DNAH14: variants seen among roughly 807,000 people sequenced by gnomAD.
The protein encoded by DNAH14 is axonemal beta dynein heavy chain 14.
Under a neutral mutation model 520.9 loss-of-function variants are expected in DNAH14, and 478 were observed. That is an observed-to-expected ratio of 0.92 (90% CI 0.85 to 0.99). The LOEUF (loss-of-function observed/expected upper bound fraction) is 0.99. DNAH14 is among the 50% of genes least tolerant of loss of function. The pLI, the probability that DNAH14 is intolerant of heterozygous loss-of-function variation, is 0.00. For synonymous variants in DNAH14, 1,581 were observed against 1,757.2 expected (o/e 0.90, Z 2.51); for missense variants, 4,831 against 5,234.5 (o/e 0.92, Z 2.38).
chr1:224,945,812 G>A (rs2059777742), intron 1 of DNAH14, among the ~76,000 whole-genome samples: 1 of 152,294 alleles, frequency 6.6e-6, no homozygotes, highest in Non-Finnish European at 1.5e-5. Context: ...GCGGATATTG[G>A]TGAACAGCAA....
intron 41 of DNAH14, among the ~76,000 whole-genome samples, chr1:225,209,750 C>T (rs1178408330): frequency 4.6e-5 from 7 of 152,188 alleles, no homozygotes; most frequent in South Asian, 2.1e-4. Flanking sequence ...CAGGTCCCAG[C>T]GAGATCAACG....
intron 65 of DNAH14, among the ~76,000 whole-genome samples, chr1:225,332,830 CAAAAAA>C (rs36110645): frequency 1.1e-5 from 1 of 90,856 alleles, no homozygotes; most frequent in Admixed American, 1.1e-4. Flanking sequence ...CCTGTCTCTA[CAAAAAA>C]AAAAAAAAAA....
chr1:224,931,922 G>A (rs1239423593), intron 1 of DNAH14, among the ~76,000 whole-genome samples: 1 of 152,190 alleles, frequency 6.6e-6, no homozygotes, highest in Non-Finnish European at 1.5e-5. Flanking sequence ...ATGTGTGAGT[G>A]CAGGTATTCC....
intron 55 of DNAH14, among the ~76,000 whole-genome samples, chr1:225,297,773 T>A (rs2094042516): frequency 6.6e-6 from 1 of 152,180 alleles, no homozygotes; most frequent in African/African-American, 2.4e-5. Flanking sequence ...ATCAGCCAAT[T>A]TGGGATCTGG....
intron 29 of DNAH14, 28 bp downstream of exon 29, chr1:225,144,656 A>C: frequency 2.0e-6 from 3 of 1,511,878 alleles, no homozygotes; most frequent in Non-Finnish European, 1.8e-6. Flanking sequence ...CCAGAATAAA[A>C]ACTTTTTTCT....
chr1:225,336,713 C>T (rs1475988783), intron 66 of DNAH14, among the ~76,000 whole-genome samples: 1 of 152,154 alleles, frequency 6.6e-6, no homozygotes, highest in African/African-American at 2.4e-5. Flanking sequence ...TAACAGGCCA[C>T]AAATCAAGTT....
chr1:225,396,977 A>G (rs1391519914), intron 84 of DNAH14: 1 of 151,656 alleles, frequency 6.6e-6, no homozygotes, highest in Non-Finnish European at 1.5e-5. Context: ...AAGAGAAGTA[A>G]AAAGCATTAT....
At chr1:225,389,587 T>TCC (rs1553382647) in intron 82 of DNAH14, 147 bp from the exon 83 acceptor site, 3 of 853,578 alleles carry the variant, frequency 3.5e-6, no homozygotes, top group Non-Finnish European at 5.2e-6. Flanking sequence ...ATAGCTGGCT[T>TCC]CCATTCAAGG....
intron 15 of DNAH14, among the ~76,000 whole-genome samples, chr1:225,046,967 A>G (rs1339103156): frequency 6.6e-6 from 1 of 151,862 alleles, no homozygotes; most frequent in African/African-American, 2.4e-5. Flanking sequence ...CTCATCTTGT[A>G]TTTTCTCTGC....
intron 81 of DNAH14, among the ~76,000 whole-genome samples, chr1:225,382,917 C>T (rs185881108): frequency 1.3e-5 from 2 of 152,274 alleles, no homozygotes; most frequent in Admixed American, 6.5e-5. Context: ...ACCTTGAAAA[C>T]AGTAGTTCTT....
chr1:225,314,038 T>C lies in DNAH14; in HGVS notation c.9241-4545T>C, dbSNP rs1000032818. On this transcript the variant is annotated intron_variant, in intron 60 of 85. Coordinates refer to ENST00000682510, the MANE Select transcript of DNAH14 (RefSeq NM_001367479.1). ...GATCTGTCTAATATTGACAGTGGTATGTTAAAATCTTCCACTATTATTGTG... is the reference window on the plus strand; with the variant it reads ...GATCTGTCTAATATTGACAGTGGTACGTTAAAATCTTCCACTATTATTGTG... Among the ~76,000 whole-genome samples the C allele has an allele frequency of 2.6e-4, 40 of 152,336 alleles. No homozygotes were observed. In the South Asian group the frequency reaches 3.5e-3, roughly 13 times the overall value.
At chr1:225,031,320 T>C (rs886155679) in intron 11 of DNAH14, among the ~76,000 whole-genome samples, 1 of 152,178 alleles carries the variant, frequency 6.6e-6, no homozygotes, top group Admixed American at 6.6e-5. Context: ...ATATAGCCCA[T>C]AGGCCAAATC....
intron 17 of DNAH14, among the ~76,000 whole-genome samples, chr1:225,072,633 C>G (rs546323918): frequency 1.3e-5 from 2 of 152,314 alleles, no homozygotes; most frequent in East Asian, 3.9e-4. Flanking sequence ...TTTTAGCATT[C>G]TAGAACCATC....
At chr1:225,335,958 CAT>C (rs1369565016) in intron 66 of DNAH14, among the ~76,000 whole-genome samples, 12 of 143,640 alleles carry the variant, frequency 8.4e-5, no homozygotes, top group East Asian at 4.1e-4. Flanking sequence ...TATATATACA[CAT>C]ATACATATAT....
At chr1:225,005,463 A>G (rs1362152511) in intron 9 of DNAH14, among the ~76,000 whole-genome samples, 2 of 152,174 alleles carry the variant, frequency 1.3e-5, no homozygotes, top group African/African-American at 4.8e-5. Flanking sequence ...CTTGAGTGAT[A>G]GAGATCAATT....
chr1:225,354,422 G>T (rs763528446), intron 73 of DNAH14: 258 of 613,806 alleles, frequency 4.2e-4, no homozygotes, highest in Non-Finnish European at 6.8e-4. Context: ...ACTGGCTGAG[G>T]GTAGAGGTTG....
intron 79 of DNAH14, among the ~76,000 whole-genome samples, chr1:225,378,870 A>C (rs1298629127): frequency 2.8e-5 from 3 of 106,378 alleles, no homozygotes; most frequent in African/African-American, 7.7e-5. Flanking sequence ...ACAGTGCAAA[A>C]CTCCGTCCCA....
chr1:225,230,193 C>T (rs1574155520), intron 41 of DNAH14, among the ~76,000 whole-genome samples: 1 of 151,932 alleles, frequency 6.6e-6, no homozygotes, highest in Admixed American at 6.6e-5. Flanking sequence ...AATCATAAAA[C>T]AACAATTATT....
At chr1:225,136,073 G>C (rs1280328483) in intron 27 of DNAH14, among the ~76,000 whole-genome samples, 2 of 152,016 alleles carry the variant, frequency 1.3e-5, no homozygotes, top group African/African-American at 4.8e-5. Context: ...GGGCTCTTGA[G>C]GACAGTATAC....
Sources: gnomAD v4.1 joint callset for allele counts (sites outside exome capture counted in the v4.1 genomes callset) on GRCh38, gnomAD v4.1.1 for gene constraint, MANE v1.5 for transcripts, NCBI Gene and HGNC (gene_info 2026-07-23, HGNC 2026-07-21) for gene names.